The following RAB3IP variants were observed in gnomAD, a reference collection of about 807,000 sequenced individuals.
The protein encoded by RAB3IP is RAB3A interacting protein.
A neutral mutation model predicts 59.1 loss-of-function variants in RAB3IP; 36 were observed. The observed-to-expected ratio is 0.61, with a 90% CI of 0.47 to 0.80. The LOEUF is 0.80. RAB3IP is among the 30% of genes least tolerant of loss of function. RAB3IP has a pLI of 0.00. For synonymous variants in RAB3IP, 207 were observed against 191.2 expected (o/e 1.08, Z -0.68); for missense variants, 511 against 536.0 (o/e 0.95, Z 0.46).
Position 69,822,091 on chromosome 12 carries a change from T to C in RAB3IP, c.*6645T>C, listed in dbSNP as rs188635390. ...TTATAGTGTGATGACTCATTTCCGG[T>C]GGTCTCCAGGAGACTTGGCTGGGAG... On this transcript the variant is annotated 3_prime_UTR_variant, in exon 11 of 11. Transcript: ENST00000247833. The C allele has an allele frequency of 2.6e-4, 39 of 152,306 alleles. No individual in the cohort carries two copies. The highest frequency in any genetic ancestry group is 9.1e-4 in the African/African-American group (38 of 41,558). The allele number at this position is 152,306 out of a possible 1,614,324, so 9.4% of individuals were successfully genotyped here.
At chr12:69,765,804 A>G (rs1165783916) in intron 3 of RAB3IP, among the ~76,000 whole-genome samples, 1 of 151,562 alleles carries the variant, frequency 6.6e-6, no homozygotes, top group African/African-American at 2.4e-5. Flanking sequence ...TATGTTTAGA[A>G]CTCTCTTAAG....
intron 10 of RAB3IP, among the ~76,000 whole-genome samples, chr12:69,813,679 C>G (rs906672762): frequency 2.0e-5 from 3 of 151,774 alleles, no homozygotes; most frequent in African/African-American, 4.8e-5. Flanking sequence ...CAGTATCTCT[C>G]GAGCACAAAT....
At chr12:69,780,160 A>G (rs1437566840) in intron 3 of RAB3IP, among the ~76,000 whole-genome samples, 3 of 152,164 alleles carry the variant, frequency 2.0e-5, no homozygotes, top group Non-Finnish European at 2.9e-5. Context: ...AAGTTGGCCA[A>G]CGACCCGAAC....
intron 5 of RAB3IP, among the ~76,000 whole-genome samples, chr12:69,794,876 T>C (rs1262280394): frequency 6.6e-6 from 1 of 152,202 alleles, no homozygotes; most frequent in East Asian, 1.9e-4. Flanking sequence ...TAAGCTATTA[T>C]ATTTTGAGGA....
intron 2 of RAB3IP, 145 bp from the exon 3 acceptor site, chr12:69,756,260 T>A: frequency 1.3e-6 from 1 of 742,358 alleles, no homozygotes. Context: ...GCACTTGAAA[T>A]GTGGCTGATA....
chr12:69,794,943 C>T (rs931052740), intron 5 of RAB3IP, among the ~76,000 whole-genome samples, 198 bp from the exon 6 acceptor site: 5 of 152,136 alleles, frequency 3.3e-5, no homozygotes, highest in South Asian at 2.1e-4. Context: ...GCTCATTTGA[C>T]GTTGTTAATA....
chr12:69,779,216 G>A (rs1049310523), intron 3 of RAB3IP: 1 of 143,570 alleles, frequency 7.0e-6, no homozygotes, highest in Non-Finnish European at 1.5e-5. Context: ...ACTCGGAAAG[G>A]GAACTCCCTG....
At chr12:69,815,138 T>C (rs922102178) in intron 10 of RAB3IP, among the ~76,000 whole-genome samples, 3 of 152,232 alleles carry the variant, frequency 2.0e-5, no homozygotes, top group African/African-American at 7.2e-5. Context: ...TGATAGTCTC[T>C]GATGTATTTA....
chr12:69,795,671 A>AC (rs1877326240), intron 6 of RAB3IP: 1 of 431,728 alleles, frequency 2.3e-6, no homozygotes, highest in African/African-American at 2.0e-5. Flanking sequence ...GAGTGCGCTT[A>AC]CAAAGTATGG....
intron 3 of RAB3IP, among the ~76,000 whole-genome samples, chr12:69,758,147 GTCTTA>G (rs1288373539): frequency 2.6e-5 from 4 of 152,254 alleles, no homozygotes; most frequent in Middle Eastern, 3.4e-3. Context: ...ATTTTCTTTA[GTCTTA>G]TCTTAAGAGA....
chr12:69,790,374 A>G (rs1222338001), intron 4 of RAB3IP, among the ~76,000 whole-genome samples: 1 of 152,214 alleles, frequency 6.6e-6, no homozygotes, highest in Non-Finnish European at 1.5e-5. Context: ...AAAGACTTGT[A>G]TACTGAAAAT....
At chr12:69,764,182 A>G (rs1871821932) in intron 3 of RAB3IP, among the ~76,000 whole-genome samples, 1 of 152,174 alleles carries the variant, frequency 6.6e-6, no homozygotes, top group African/African-American at 2.4e-5. Context: ...GATGTCCAGA[A>G]TGGTGTTTCC....
chr12:69,817,266 G>A lies in RAB3IP; in HGVS notation c.*1820G>A, dbSNP rs1881226815. On this transcript the variant is annotated 3_prime_UTR_variant, in exon 11 of 11. Transcript: ENST00000247833. ...TTTAGTAATCTATAAGGGGAAGAAT[G>A]CTTTTCAACCTTATACACTAGAAGC... 1 of 152,100 alleles carries A rather than the reference G, an allele frequency of 6.6e-6. No homozygotes were observed. The highest frequency in any genetic ancestry group is 1.5e-5 in the Non-Finnish European group (1 of 68,016). The allele number at this position is 152,100 out of a possible 1,614,324, so 9.4% of individuals were successfully genotyped here. A position where few individuals can be genotyped will look rare whatever the true frequency, so the allele number is the denominator to read the frequency against.
intron 1 of RAB3IP, among the ~76,000 whole-genome samples, chr12:69,744,052 G>A (rs1269826667): frequency 6.6e-6 from 1 of 151,938 alleles, no homozygotes; most frequent in African/African-American, 2.4e-5. Context: ...TTGTTACATA[G>A]GTATACACGT....
At chr12:69,784,176 G>T (rs769254598) in intron 3 of RAB3IP, among the ~76,000 whole-genome samples, 4 of 151,852 alleles carry the variant, frequency 2.6e-5, no homozygotes, top group Non-Finnish European at 4.4e-5. Flanking sequence ...TTTTGGTAAC[G>T]TTTTTCTTGA....
intron 4 of RAB3IP, among the ~76,000 whole-genome samples, chr12:69,788,191 A>T (rs1203501667): frequency 6.6e-6 from 1 of 152,100 alleles, no homozygotes; most frequent in Non-Finnish European, 1.5e-5. Context: ...TATAAGATAC[A>T]TCTTTCCCTA....
At chr12:69,750,078 G>A (rs982074750) in intron 1 of RAB3IP, among the ~76,000 whole-genome samples, 1 of 152,216 alleles carries the variant, frequency 6.6e-6, no homozygotes, top group East Asian at 1.9e-4. Context: ...TAAGTGTGTC[G>A]TGGTGGTTAA....
At chr12:69,814,575 C>G (rs114323497) in intron 10 of RAB3IP, among the ~76,000 whole-genome samples, 1,735 of 151,948 alleles carry the variant, frequency 0.011, 30 homozygotes, top group African/African-American at 0.037. Flanking sequence ...CTAGCTTTTA[C>G]TCATTAGATA....
chr12:69,739,745 C>A, intron 1 of RAB3IP: 1 of 1,212,494 alleles, frequency 8.2e-7, no homozygotes, highest in Non-Finnish European at 1.2e-6. Context: ...GCCCTCCCAG[C>A]GTTGACAACT....
Sources: allele counts gnomAD v4.1 joint callset (sites outside exome capture counted in the v4.1 genomes callset), GRCh38; gene constraint gnomAD v4.1.1; transcripts MANE v1.5; gene names NCBI Gene and HGNC (gene_info 2026-07-23, HGNC 2026-07-21).